Variants in IARS1 observed in about 807,000 individuals in gnomAD.
IARS1 encodes the protein isoleucine--tRNA ligase, cytoplasmic.
In IARS1, 124 loss-of-function variants were observed where a neutral mutation model predicts 168.2. That is an observed-to-expected ratio of 0.74 (90% CI 0.64 to 0.86). IARS1 has a LOEUF of 0.86. Among genes scored for constraint, IARS1 ranks in the 40% least tolerant of loss-of-function variants. The pLI, the probability that IARS1 is intolerant of heterozygous loss-of-function variation, is 0.00. For synonymous variants in IARS1, 532 were observed against 529.4 expected, an observed-to-expected ratio of 1.00 and a Z score of -0.07; for missense variants, 1,452 against 1,515.8, an observed-to-expected ratio of 0.96 and a Z score of 0.70.
At chr9:92,281,700 G>A (rs1834597046) in intron 6 of IARS1, among the ~76,000 whole-genome samples, 1 of 151,226 alleles carries the variant, frequency 6.6e-6, no homozygotes, top group Non-Finnish European at 1.5e-5. Flanking sequence ...AAAATATCAA[G>A]GATTTAAAAA....
intron 33 of IARS1, among the ~76,000 whole-genome samples, chr9:92,213,810 T>G (rs745991298): frequency 2.0e-5 from 3 of 152,152 alleles, no homozygotes; most frequent in Non-Finnish European, 4.4e-5. Context: ...TGACTGGGAA[T>G]GCCATAGATT....
At chr9:92,212,783 A>C (rs975138684) in intron 33 of IARS1, among the ~76,000 whole-genome samples, 2 of 152,218 alleles carry the variant, frequency 1.3e-5, no homozygotes, top group African/African-American at 4.8e-5. Context: ...GATAGAGTGA[A>C]AGACTCATGG....
chr9:92,261,419 G>T (rs1831510634), intron 17 of IARS1, among the ~76,000 whole-genome samples: 1 of 152,210 alleles, frequency 6.6e-6, no homozygotes, highest in African/African-American at 2.4e-5. Flanking sequence ...ACCAGTGGTT[G>T]CCAGGGATTG....
At chr9:92,216,368 C>T (rs1838692446) in intron 33 of IARS1, among the ~76,000 whole-genome samples, 2 of 150,554 alleles carry the variant, frequency 1.3e-5, no homozygotes, top group South Asian at 2.2e-4. Context: ...CATCAACTAA[C>T]GAGCAAAATA....
chr9:92,265,576 G>T, intron 14 of IARS1, 23 bp from the exon 15 acceptor site: 2 of 1,595,514 alleles, frequency 1.3e-6, no homozygotes, highest in East Asian at 2.2e-5. Context: ...AAGTTCAATA[G>T]CAGGAGCTCC....
chr9:92,256,777 G>A lies in IARS1; in HGVS notation c.2040C>T (p.Tyr680=). 6.2e-7 allele frequency: 1 copy of A among 1,613,198 alleles called. No homozygotes were observed. Among genetic ancestry groups the A allele is most frequent in the Non-Finnish European group, 8.5e-7 (1 of 1,179,334 alleles). Reference sequence around the variant, plus strand: ...GGCTTTCTCTAACCGTGTTCTCATTGTAGAGAAATTCTATTTCTTCCTCCT... The same window carrying A: ...GGCTTTCTCTAACCGTGTTCTCATTATAGAGAAATTCTATTTCTTCCTCCT... The part of the protein sequence containing the change: ...LQKEEEIEFL[Y]NENTVRESPN... Residue 680 remains tyrosine, a synonymous_variant, in exon 20 of 34, where the codon TAC becomes TAT. Transcript: ENST00000443024.
intron 5 of IARS1, 22 bp from the exon 6 acceptor site, chr9:92,285,861 C>A (rs1222900961): frequency 7.6e-7 from 1 of 1,315,538 alleles, no homozygotes; most frequent in Non-Finnish European, 1.1e-6. Context: ...TGGAGTTTCA[C>A]AATTACAGAA....
At chr9:92,215,131 C>T (rs1838435026) in intron 33 of IARS1, among the ~76,000 whole-genome samples, 1 of 152,202 alleles carries the variant, frequency 6.6e-6, no homozygotes, top group South Asian at 2.1e-4. Flanking sequence ...CCCGAGCAGC[C>T]TATCTGGGAG....
intron 26 of IARS1, 163 bp from the exon 27 acceptor site, chr9:92,245,234 CAT>C: frequency 4.9e-6 from 3 of 608,582 alleles, no homozygotes; most frequent in Non-Finnish European, 5.9e-6. Flanking sequence ...GTAGCCAAGA[CAT>C]GACAAACTTT....
Position 92,245,053 on chromosome 9 carries a change from C to T in IARS1, c.2810G>A (p.Gly937Asp). The T allele has an allele frequency of 6.2e-7, 1 of 1,614,090 alleles. No individual in the cohort carries two copies. The highest frequency in any genetic ancestry group is 8.5e-7 in the Non-Finnish European group (1 of 1,179,994). The change falls in exon 27 of 34, where the codon GGC becomes GAC. Residue 937 changes from glycine to aspartate, a missense_variant. Physicochemically the swap from Gly to Asp is moderately conservative, Grantham distance 94. Coordinates refer to ENST00000443024, the MANE Select transcript of IARS1 (RefSeq NM_002161.6). ...FQKTGTIVVE[G>D]HELHDEDIRL... ...GATGTCTTCATCGTGCAATTCATGGCCTTCCACAACAATGGTCCCTATGGA... is the reference window on the plus strand; with the variant it reads ...GATGTCTTCATCGTGCAATTCATGGTCTTCCACAACAATGGTCCCTATGGA...
At chr9:92,235,632 C>T (rs1297797760) in intron 30 of IARS1, among the ~76,000 whole-genome samples, 1 of 151,340 alleles carries the variant, frequency 6.6e-6, no homozygotes, top group Non-Finnish European at 1.5e-5. Flanking sequence ...ATTCTCCTGC[C>T]TCAATAATCC....
At chr9:92,223,848 G>C (rs1316283929) in intron 31 of IARS1, among the ~76,000 whole-genome samples, 1 of 152,184 alleles carries the variant, frequency 6.6e-6, no homozygotes, top group Non-Finnish European at 1.5e-5. Flanking sequence ...ATTACAGTCA[G>C]AAGATGTTAT....
intron 33 of IARS1, among the ~76,000 whole-genome samples, chr9:92,211,841 A>G (rs1038432816): frequency 2.6e-5 from 4 of 152,190 alleles, no homozygotes; most frequent in Admixed American, 6.5e-5. Context: ...CTACGTGAGA[A>G]AGCAAGAATT....
At chr9:92,253,931 C>A in intron 20 of IARS1, 4 of 454,534 alleles carry the variant, frequency 8.8e-6, no homozygotes, top group South Asian at 6.3e-5. Context: ...GCAATTTTAT[C>A]CCATGGGAAA....
chr9:92,279,344 T>G (rs991515265), intron 7 of IARS1, among the ~76,000 whole-genome samples: 1 of 152,106 alleles, frequency 6.6e-6, no homozygotes, highest in Non-Finnish European at 1.5e-5. Flanking sequence ...TGTTTTGAGA[T>G]CTCAGTCAGG....
chr9:92,255,538 TGTTA>T (rs1346515427), intron 20 of IARS1, among the ~76,000 whole-genome samples: 6 of 152,230 alleles, frequency 3.9e-5, no homozygotes, highest in East Asian at 1.9e-4. Flanking sequence ...AACTCACTGT[TGTTA>T]GTTAATAGAA....
intron 13 of IARS1, 120 bp from the exon 14 acceptor site, chr9:92,268,420 G>A (rs1453143237): frequency 1.9e-5 from 18 of 937,162 alleles, no homozygotes; most frequent in Non-Finnish European, 2.6e-5. Context: ...GAAACGTGGC[G>A]CTCACTGCAA....
Position 92,268,269 on chromosome 9 carries a change from C to T in IARS1, c.1336G>A (p.Gly446Arg), listed in dbSNP as rs756475949. Residue 446 changes from glycine to arginine, a missense_variant, in exon 14 of 34, where the codon GGA becomes AGA. Transcript: ENST00000443024. The stretch of plus-strand genomic sequence containing the variant: ...TCACGTGCATCTTTCAGCCAATTTC[C>T]AAATCGTTTTTCTCGTACCAACTCT... ...VPELVREKRFGNWLKDARDWT... is the reference protein window; with the variant it reads ...VPELVREKRFRNWLKDARDWT... 2.3e-5 allele frequency: 37 copies of T among 1,611,398 alleles called. No homozygotes were observed. The highest frequency in any genetic ancestry group is 3.1e-5 in the Non-Finnish European group (36 of 1,179,390).
At chr9:92,268,080 GA>G (rs1365600156) in intron 14 of IARS1, 93 bp downstream of exon 14, 48 of 1,336,578 alleles carry the variant, frequency 3.6e-5, no homozygotes, top group Non-Finnish European at 4.7e-5. Flanking sequence ...AAGGGGCAAA[GA>G]AAAAAACACC....
Sources: gnomAD v4.1 joint callset for allele counts (sites outside exome capture counted in the v4.1 genomes callset) on GRCh38, gnomAD v4.1.1 for gene constraint, MANE v1.5 for transcripts, NCBI Gene and HGNC (gene_info 2026-07-23, HGNC 2026-07-21) for gene names.